The following ME1 variants were observed in gnomAD, a reference collection of about 807,000 sequenced individuals.
ME1 encodes the protein malic enzyme 1, also known as NADP-dependent malic enzyme.
ME1 carries 74 observed loss-of-function variants against 66.4 expected under a neutral mutation model. The ratio of observed to expected loss-of-function variants is 1.11; its 90% CI spans 0.92 to 1.35. The LOEUF (loss-of-function observed/expected upper bound fraction) is 1.35, where lower values mean the gene tolerates loss of function less well. Ranked by LOEUF, ME1 falls within the 40% of genes most tolerant of loss-of-function variation. ME1 has a pLI of 0.00. For missense variants in ME1, 750 were observed against 694.1 expected, an observed-to-expected ratio of 1.08 and a Z score of -0.90; for synonymous variants, 251 against 235.6, an observed-to-expected ratio of 1.07 and a Z score of -0.60.
intron 1 of ME1, among the ~76,000 whole-genome samples, chr6:83,411,866 T>C (rs570956691): frequency 6.6e-6 from 1 of 152,316 alleles, no homozygotes; most frequent in East Asian, 1.9e-4. Flanking sequence ...TTGCTTTCCC[T>C]ATTCCTTATA....
At chr6:83,220,278 A>C (rs1371033535) in intron 12 of ME1, among the ~76,000 whole-genome samples, 1 of 152,174 alleles carries the variant, frequency 6.6e-6, no homozygotes, top group African/African-American at 2.4e-5. Flanking sequence ...GGAGTGGAGC[A>C]AGGCAGATGA....
At chr6:83,411,991 T>G (rs1456221647) in intron 1 of ME1, among the ~76,000 whole-genome samples, 1 of 152,142 alleles carries the variant, frequency 6.6e-6, no homozygotes, top group Non-Finnish European at 1.5e-5. Context: ...TATATCTTCT[T>G]GACAAAACTG....
chr6:83,315,227 C>A (rs542889559), intron 6 of ME1, 83 bp downstream of exon 6: 15 of 771,846 alleles, frequency 1.9e-5, no homozygotes, highest in Non-Finnish European at 3.1e-5. Flanking sequence ...ATTATTAAAC[C>A]ATATTGCATA....
chr6:83,370,242 T>G (rs1769170491), intron 3 of ME1, among the ~76,000 whole-genome samples: 1 of 152,158 alleles, frequency 6.6e-6, no homozygotes, highest in African/African-American at 2.4e-5. Context: ...GTACTGTAAT[T>G]ATTTCAAGAT....
chr6:83,270,672 C>G (rs570949719), intron 6 of ME1, among the ~76,000 whole-genome samples: 19 of 152,190 alleles, frequency 1.2e-4, no homozygotes, highest in Non-Finnish European at 2.5e-4. Flanking sequence ...TTCAAGTTCT[C>G]TGAACCCTAA....
intron 7 of ME1, among the ~76,000 whole-genome samples, chr6:83,252,087 CA>C (rs1790734592): frequency 6.6e-6 from 1 of 152,054 alleles, no homozygotes; most frequent in Non-Finnish European, 1.5e-5. Flanking sequence ...ATAGGAAATG[CA>C]AAAGGTTTAG....
At chr6:83,278,095 C>T (rs368005555) in intron 6 of ME1, among the ~76,000 whole-genome samples, 10 of 151,962 alleles carry the variant, frequency 6.6e-5, no homozygotes, top group Non-Finnish European at 1.5e-4. Context: ...ACAAACTACA[C>T]GTTAACAACT....
At position 83,381,504 on chromosome 6, in the gene ME1, CCTT is replaced by C. The variant is rs993365348; in HGVS notation, c.362+16860_362+16862del. ...TTGAGAAAGTCTTATGTACAGGAGA[CCTT>C]CTTATCTCCAGCTGATGTATTTAGA... is the stretch of plus-strand genomic sequence containing the variant. On this transcript the variant is annotated intron_variant, in intron 3 of 13. Coordinates refer to ENST00000369705, the MANE Select transcript of ME1 (RefSeq NM_002395.6). Among the ~76,000 whole-genome samples the C allele has an allele frequency of 7.0e-4, 106 of 151,662 alleles. 1 individual carries two copies. Among genetic ancestry groups the C allele is most frequent in the African/African-American group, 2.5e-3 (103 of 41,348 alleles).
chr6:83,329,177 G>A (rs565127753), intron 5 of ME1, among the ~76,000 whole-genome samples: 2 of 152,192 alleles, frequency 1.3e-5, no homozygotes, highest in East Asian at 1.9e-4. Context: ...TATCAGAAAT[G>A]TTTGAGAGCA....
chr6:83,368,305 A>G (rs1007636128), intron 3 of ME1, among the ~76,000 whole-genome samples: 1 of 151,808 alleles, frequency 6.6e-6, no homozygotes, highest in African/African-American at 2.4e-5. Context: ...ACAAGTGAAC[A>G]CATGCTATTG....
At chr6:83,297,522 C>T (rs1288350286) in intron 6 of ME1, among the ~76,000 whole-genome samples, 1 of 152,004 alleles carries the variant, frequency 6.6e-6, no homozygotes. Flanking sequence ...AGCAAAGAGA[C>T]TAATGGAACA....
chr6:83,273,031 G>A (rs1767113243), intron 6 of ME1, among the ~76,000 whole-genome samples: 1 of 151,912 alleles, frequency 6.6e-6, no homozygotes, highest in South Asian at 2.1e-4. Flanking sequence ...AAAAAAATTA[G>A]CCGGGCATGG....
At chr6:83,383,000 T>C (rs1561997994) in intron 3 of ME1, among the ~76,000 whole-genome samples, 2 of 151,808 alleles carry the variant, frequency 1.3e-5, no homozygotes, top group African/African-American at 4.9e-5. Flanking sequence ...GAAATCTTAT[T>C]AAAAAAGACT....
intron 3 of ME1, 21 bp downstream of exon 3, chr6:83,398,346 A>T (rs4706990): frequency 0.37 from 565,591 of 1,525,374 alleles, 112,007 homozygotes; most frequent in African/African-American, 0.7. Context: ...CAAGTTGCAT[A>T]TAAAATAAAA....
chr6:83,299,268 T>C (rs937879924), intron 6 of ME1, among the ~76,000 whole-genome samples: 1 of 152,120 alleles, frequency 6.6e-6, no homozygotes, highest in Non-Finnish European at 1.5e-5. Context: ...GTTTGTGTCA[T>C]CTCTTACTGC....
chr6:83,411,444 TA>T (rs1425979986), intron 1 of ME1, among the ~76,000 whole-genome samples: 1 of 151,950 alleles, frequency 6.6e-6, no homozygotes. Context: ...CATCAACAAA[TA>T]AGTAAACTTA....
At chr6:83,421,803 C>G (rs962534621) in intron 1 of ME1, among the ~76,000 whole-genome samples, 2 of 152,070 alleles carry the variant, frequency 1.3e-5, no homozygotes, top group Non-Finnish European at 2.9e-5. Context: ...CCAGGTAATC[C>G]CACGGGGATG....
At chr6:83,239,782 C>T (rs1487569537) in intron 7 of ME1, 146 bp from the exon 8 acceptor site, 26 of 584,166 alleles carry the variant, frequency 4.5e-5, no homozygotes, top group Non-Finnish European at 6.7e-5. Flanking sequence ...TGCTTGCATA[C>T]GTGGTAAAAT....
intron 5 of ME1, among the ~76,000 whole-genome samples, chr6:83,334,094 G>A (rs1562484045): frequency 6.6e-6 from 1 of 152,166 alleles, no homozygotes; most frequent in African/African-American, 2.4e-5. Context: ...AGTGGGCGCA[G>A]GCCAGTGTGT....
Sources: allele counts gnomAD v4.1 joint callset (sites outside exome capture counted in the v4.1 genomes callset), GRCh38; gene constraint gnomAD v4.1.1; transcripts MANE v1.5; gene names NCBI Gene and HGNC (gene_info 2026-07-23, HGNC 2026-07-21).